The following TRIM24 variants were observed in gnomAD, a reference collection of about 807,000 sequenced individuals.
TRIM24 encodes tripartite motif containing 24.
Under a neutral mutation model 123.9 loss-of-function variants are expected in TRIM24, and 29 were observed. That is an observed-to-expected ratio of 0.23 (90% CI 0.17 to 0.32). The LOEUF (loss-of-function observed/expected upper bound fraction) is 0.32, where lower values mean the gene tolerates loss of function less well. TRIM24 is among the 10% of genes least tolerant of loss of function. The pLI is 1.00. For missense variants in TRIM24, 932 were observed against 1,295.3 expected (o/e 0.72, Z 4.31); for synonymous variants, 456 against 461.1 (o/e 0.99, Z 0.14).
chr7:138,466,463 C>CGTTTTTTTTT (rs1554430008), intron 1 of TRIM24, among the ~76,000 whole-genome samples: 1 of 74,064 alleles, frequency 1.4e-5, no homozygotes, highest in Admixed American at 2.2e-4. Flanking sequence ...ACTTAAGTTG[C>CGTTTTTTTTT]TTTTTTTTTT....
chr7:138,546,173 C>T (rs1797098230), intron 7 of TRIM24, among the ~76,000 whole-genome samples: 1 of 152,058 alleles, frequency 6.6e-6, no homozygotes, highest in African/African-American at 2.4e-5. Context: ...TTAATATCAC[C>T]AGTGGTATGA....
At chr7:138,470,372 C>T (rs1357674875) in intron 1 of TRIM24, among the ~76,000 whole-genome samples, 3 of 152,240 alleles carry the variant, frequency 2.0e-5, no homozygotes, top group South Asian at 4.1e-4. Flanking sequence ...CTGCCCACCT[C>T]GGCCTCCCAA....
intron 9 of TRIM24, among the ~76,000 whole-genome samples, chr7:138,555,843 A>G (rs1797305479): frequency 6.6e-6 from 1 of 152,108 alleles, no homozygotes; most frequent in Non-Finnish European, 1.5e-5. Context: ...AACTCAATCA[A>G]CCATAACAGT....
rs774938867 is a variant in TRIM24 at position 138,576,402 on chromosome 7, C to G, written c.2044C>G (p.Pro682Ala). The G allele has an allele frequency of 1.9e-6, 3 of 1,613,814 alleles. No homozygotes were observed. The highest frequency in any genetic ancestry group is 1.1e-5 in the South Asian group (1 of 91,068). ...GPVTMTSVHP[P>A]IRSPSASSVG... ...TGTTACTATGACTAGTGTACACCCC[C>G]CAATACGTTCACCTAGTGCCTCCAG... The change falls in exon 13 of 19, where the codon CCA becomes GCA. Residue 682 changes from proline to alanine, a missense_variant. This residue lies in a region of TRIM24 where 527 missense variants were observed against 691.3 expected (regional missense o/e 0.76). Coordinates refer to ENST00000343526, the MANE Select transcript of TRIM24 (RefSeq NM_015905.3).
At chr7:138,561,346 A>G (rs1584739581) in intron 9 of TRIM24, among the ~76,000 whole-genome samples, 1 of 149,818 alleles carries the variant, frequency 6.7e-6, no homozygotes, top group South Asian at 2.1e-4. Context: ...GCTTGAGGAT[A>G]CCTCGCCTAC....
intron 6 of TRIM24, among the ~76,000 whole-genome samples, chr7:138,535,492 T>C (rs981117921): frequency 1.3e-5 from 2 of 152,196 alleles, no homozygotes; most frequent in African/African-American, 2.4e-5. Context: ...TTTGGCTAGA[T>C]ATGAAATTCT....
chr7:138,577,746 T>C (rs1162609343), intron 14 of TRIM24, among the ~76,000 whole-genome samples, 158 bp downstream of exon 14: 2 of 151,994 alleles, frequency 1.3e-5, no homozygotes, highest in Non-Finnish European at 2.9e-5. Context: ...AAGACAAAGA[T>C]GGAAAAACAG....
chr7:138,460,488 C>A lies in TRIM24; in HGVS notation c.-61C>A. 8.0e-7 allele frequency: 1 copy of A among 1,252,728 alleles called. No homozygotes were observed. The highest frequency in any genetic ancestry group is 3.4e-5 in the South Asian group (1 of 29,028). 77.6% of individuals were successfully genotyped at this position (1,252,728 alleles called of 1,614,324 possible). On this transcript the variant is annotated 5_prime_UTR_variant, in exon 1 of 19. Coordinates refer to ENST00000343526, the MANE Select transcript of TRIM24 (RefSeq NM_015905.3). ...AGCAGCCGCAGGAGGAGGAGGAGGTCGTCGGGGGCGGCGGGCGGAGACCGC... is the reference window on the plus strand; with the variant it reads ...AGCAGCCGCAGGAGGAGGAGGAGGTAGTCGGGGGCGGCGGGCGGAGACCGC...
chr7:138,528,428 G>A (rs1160586554), intron 5 of TRIM24, among the ~76,000 whole-genome samples: 1 of 152,158 alleles, frequency 6.6e-6, no homozygotes, highest in Non-Finnish European at 1.5e-5. Flanking sequence ...TCCTGGGTCT[G>A]GGCTGTGCCT....
At chr7:138,497,556 A>G (rs1795939396) in intron 1 of TRIM24, among the ~76,000 whole-genome samples, 1 of 150,604 alleles carries the variant, frequency 6.6e-6, no homozygotes, top group Admixed American at 6.6e-5. Context: ...CACCATGTAC[A>G]GCTAATTTTT....
intron 6 of TRIM24, among the ~76,000 whole-genome samples, chr7:138,536,317 C>T (rs1301538487): frequency 6.6e-6 from 1 of 152,222 alleles, no homozygotes; most frequent in African/African-American, 2.4e-5. Flanking sequence ...TTCAGCTTTT[C>T]TGCTCTGTTT....
At chr7:138,538,197 G>C (rs971599620) in intron 6 of TRIM24, among the ~76,000 whole-genome samples, 4 of 152,176 alleles carry the variant, frequency 2.6e-5, no homozygotes, top group Admixed American at 2.6e-4. Context: ...CTACAACACA[G>C]CATGACTCTG....
intron 2 of TRIM24, 39 bp downstream of exon 2, chr7:138,504,447 C>CTTTTGTTTTTTTTTT (rs1796106237): frequency 1.3e-5 from 2 of 155,196 alleles, no homozygotes; most frequent in African/African-American, 1.0e-4. Flanking sequence ...CCTGCCAGCT[C>CTTTTGTTTTTTTTTT]TTTTTTTTTT....
At chr7:138,518,130 A>G (rs1796437314) in intron 3 of TRIM24, among the ~76,000 whole-genome samples, 1 of 152,262 alleles carries the variant, frequency 6.6e-6, no homozygotes, top group Non-Finnish European at 1.5e-5. Context: ...ATAGTGGTAT[A>G]TCTATTTCGT....
rs186037756 is a variant in TRIM24 at position 138,487,523 on chromosome 7, A to G, written c.365-16767A>G. Among the ~76,000 whole-genome samples, 588 of 152,306 alleles carry G rather than the reference A, an allele frequency of 3.9e-3. 3 individuals carry two copies. Among genetic ancestry groups the G allele is most frequent in the African/African-American group, 0.014 (562 of 41,540 alleles). ...TATTATTTTGAGATACGTTCCACCAATACCTAGTTTATTGAGAGTTTTTAG... is the reference window on the plus strand; with the variant it reads ...TATTATTTTGAGATACGTTCCACCAGTACCTAGTTTATTGAGAGTTTTTAG... On this transcript the variant is annotated intron_variant, in intron 1 of 18. Transcript: ENST00000343526.
At chr7:138,579,563 TTACTG>T (rs1369923136) in intron 15 of TRIM24, 31 bp downstream of exon 15, 1 of 1,512,452 alleles carries the variant, frequency 6.6e-7, no homozygotes, top group African/African-American at 1.4e-5. Flanking sequence ...CCACATTCTT[TTACTG>T]TAAACTTTTG....
At chr7:138,568,103 A>G (rs1373148116) in intron 10 of TRIM24, among the ~76,000 whole-genome samples, 2 of 152,020 alleles carry the variant, frequency 1.3e-5, no homozygotes, top group Non-Finnish European at 2.9e-5. Context: ...TTAATATGAT[A>G]CAGCTTATTT....
chr7:138,461,337 C>A (rs199534134), intron 1 of TRIM24: 4 of 446,756 alleles, frequency 9.0e-6, no homozygotes, highest in Non-Finnish European at 1.8e-5. Flanking sequence ...TCTATACTCA[C>A]GTTATTTGAG....
chr7:138,551,877 T>A (rs1315335850), intron 8 of TRIM24, among the ~76,000 whole-genome samples: 7 of 152,234 alleles, frequency 4.6e-5, no homozygotes, highest in Non-Finnish European at 8.8e-5. Context: ...AGACTTTTAG[T>A]TTTCTTCTTT....
Sources: allele counts gnomAD v4.1 joint callset (sites outside exome capture counted in the v4.1 genomes callset), GRCh38; gene constraint gnomAD v4.1.1; regional missense constraint gnomAD v4.1.1; transcripts MANE v1.5; gene names NCBI Gene and HGNC (gene_info 2026-07-23, HGNC 2026-07-21).